Variants in LPP observed in about 807,000 individuals in gnomAD.
The protein encoded by LPP is lipoma-preferred partner.
Under a neutral mutation model 60.4 loss-of-function variants are expected in LPP, and 38 were observed. The ratio of observed to expected loss-of-function variants is 0.63; its 90% CI spans 0.49 to 0.83. The LOEUF (loss-of-function observed/expected upper bound fraction) is 0.83. LPP is among the 40% of genes least tolerant of loss of function. The pLI is 0.00. For missense variants in LPP, 902 were observed against 783.6 expected (o/e 1.15, Z -1.80); for synonymous variants, 328 against 290.8 (o/e 1.13, Z -1.30).
At chr3:188,855,795 C>T (rs933776143) in intron 9 of LPP, among the ~76,000 whole-genome samples, 2 of 152,110 alleles carry the variant, frequency 1.3e-5, no homozygotes, top group South Asian at 2.1e-4. Flanking sequence ...TTATAGCTGA[C>T]GGAATTTAGG....
In LPP at chr3:188,877,060, TAG is replaced by T. The variant is rs1428705188; in HGVS notation, c.*2584_*2585del. ...ATACATATGTAGAAACATTTAGATT[TAG>T]AGTTTTTTTTTTCTTTCACAAGGTA... On this transcript the variant is annotated 3_prime_UTR_variant, in exon 12 of 12. Transcript: ENST00000617246. 1 of 135,088 alleles carries T rather than the reference TAG, an allele frequency of 7.4e-6. No homozygotes were observed. Among genetic ancestry groups the T allele is most frequent in the Non-Finnish European group, 1.7e-5 (1 of 59,822 alleles). The allele number at this position is 135,088 out of a possible 1,614,324, so 8.4% of individuals were successfully genotyped here. A position where few individuals can be genotyped will look rare whatever the true frequency, so the allele number is the denominator to read the frequency against.
intron 8 of LPP, chr3:188,746,691 T>C (rs2150252871): frequency 2.8e-6 from 1 of 354,926 alleles, no homozygotes. Context: ...CCTATAAGCC[T>C]TAGTAAGGGA....
chr3:188,513,354 G>A (rs571714686), intron 5 of LPP, among the ~76,000 whole-genome samples: 9 of 152,254 alleles, frequency 5.9e-5, no homozygotes, highest in African/African-American at 2.2e-4. Flanking sequence ...AATTGCTTCA[G>A]GAAATATTAC....
chr3:188,609,495 C>G lies in LPP; in HGVS notation c.764C>G (p.Pro255Arg). 1 of 1,614,200 alleles carries G rather than the reference C, an allele frequency of 6.2e-7. No homozygotes were observed. Among genetic ancestry groups the G allele is most frequent in the South Asian group, 1.1e-5 (1 of 91,084 alleles). ...GSGPQGYNTQ[P>R]VPVSGQCPPP... ...GGGCCCCAGGGCTATAACACTCAGC[C>G]AGTTCCTGTCTCTGGGCAGTGTCCA... Residue 255 changes from proline to arginine, a missense_variant, in exon 7 of 12, where the codon CCA (proline) becomes CGA (arginine). Physicochemically the swap from Pro to Arg is moderately radical, Grantham distance 103. Coordinates refer to ENST00000617246, the MANE Select transcript of LPP (RefSeq NM_001375462.1). The surrounding 1 kb of genome is among the most constrained non-coding windows in gnomAD (Gnocchi z 6.9).
chr3:188,733,016 C>T (rs1027121647), intron 8 of LPP, among the ~76,000 whole-genome samples: 5 of 151,834 alleles, frequency 3.3e-5, no homozygotes, highest in Non-Finnish European at 5.9e-5. Context: ...GCATCAAAGT[C>T]GAAGAATCCC....
At chr3:188,378,055 A>G (rs2140092) in intron 3 of LPP, among the ~76,000 whole-genome samples, 131,572 of 152,106 alleles carry the variant, frequency 0.87, 58,483 homozygotes, top group Non-Finnish European at 0.96. Context: ...CTGCCCGATC[A>G]TTCCTCTGGA....
chr3:188,249,319 C>G (rs1285503692), intron 2 of LPP, among the ~76,000 whole-genome samples: 1 of 151,958 alleles, frequency 6.6e-6, no homozygotes, highest in Admixed American at 6.6e-5. Flanking sequence ...ATCGATTGGG[C>G]CTGGGACATC....
At chr3:188,237,926 C>A (rs73059605) in intron 2 of LPP, among the ~76,000 whole-genome samples, 2,582 of 152,324 alleles carry the variant, frequency 0.017, 68 homozygotes, top group African/African-American at 0.056. Context: ...GTATTGATTT[C>A]TTTTCTCTAC....
chr3:188,487,628 G>C (rs995027002), intron 5 of LPP, among the ~76,000 whole-genome samples: 1 of 152,144 alleles, frequency 6.6e-6, no homozygotes, highest in African/African-American at 2.4e-5. Context: ...AAAAGAAAAC[G>C]AACATGCCCT....
chr3:188,377,898 G>T (rs193051145), intron 3 of LPP, among the ~76,000 whole-genome samples: 5,590 of 152,020 alleles, frequency 0.037, 109 homozygotes, highest in African/African-American at 0.058. Context: ...TGGATGTCCT[G>T]TCTGTTTGTT....
rs182732599 is a variant in LPP at position 188,648,516 on chromosome 3, G to A, written c.1113+38672G>A. Among the ~76,000 whole-genome samples the A allele has an allele frequency of 6.8e-4, 103 of 152,258 alleles. 1 individual carries two copies. The East Asian group carries it at 7.5e-3, about 11-fold the overall frequency. ...TGTTCATGTGTACTGCTGCACTCACGTCGTATCCAGACACCCAGATATCAT... is the reference window on the plus strand; with the variant it reads ...TGTTCATGTGTACTGCTGCACTCACATCGTATCCAGACACCCAGATATCAT... On this transcript the variant is annotated intron_variant, in intron 7 of 11. Transcript: ENST00000617246.
At chr3:188,691,382 T>C (rs908632982) in intron 7 of LPP, among the ~76,000 whole-genome samples, 1 of 152,188 alleles carries the variant, frequency 6.6e-6, no homozygotes, top group Non-Finnish European at 1.5e-5. Context: ...TAGCACTGAA[T>C]GAGGGCAATA....
rs149496514 is a variant in LPP, at chr3:188,750,802, T to C, written c.1241-9311T>C. Among the ~76,000 whole-genome samples, 16 of 152,314 alleles carry C rather than the reference T, an allele frequency of 1.1e-4. 1 individual carries two copies. In the East Asian group the frequency reaches 3.1e-3, roughly 29 times the overall value. ...TCCATCTGCAAACTGTGGCTCCCAT[T>C]TATGTCTTGGTGTCAATATGACTAT... On this transcript the variant is annotated intron_variant, in intron 8 of 11. Transcript: ENST00000617246.
intron 2 of LPP, among the ~76,000 whole-genome samples, chr3:188,331,118 G>A (rs1759943782): frequency 1.3e-5 from 2 of 152,076 alleles, no homozygotes; most frequent in Admixed American, 1.3e-4. Flanking sequence ...CCTTGTCTCA[G>A]CTTCTTGAGG....
chr3:188,496,361 T>G (rs1447369206), intron 5 of LPP, among the ~76,000 whole-genome samples: 1 of 152,162 alleles, frequency 6.6e-6, no homozygotes, highest in African/African-American at 2.4e-5. Context: ...ACACCTGACC[T>G]CGTGATCTGC....
intron 6 of LPP, among the ~76,000 whole-genome samples, chr3:188,564,036 G>T (rs1483638221): frequency 6.6e-6 from 1 of 151,756 alleles, no homozygotes; most frequent in Non-Finnish European, 1.5e-5. Flanking sequence ...ATAGAATAAG[G>T]TACTTAACGC....
At chr3:188,607,372 T>G (rs1473648073) in intron 6 of LPP, among the ~76,000 whole-genome samples, 19 of 4,774 alleles carry the variant, frequency 4.0e-3, no homozygotes, top group East Asian at 0.048. Context: ...AAATAGAAGA[T>G]ATATATATAT....
rs1405099398 is a variant in LPP at position 188,609,632 on chromosome 3, T to C, written c.901T>C (p.Tyr301His). The part of the protein sequence containing the change: ...PNQGRYYEGY[Y>H]AAGPGYGGRN... ...CCAGGGACGCTATTATGAAGGCTAC[T>C]ATGCAGCAGGGCCAGGCTATGGGGG... Residue 301 changes from tyrosine (Y) to histidine (H), a missense_variant, in exon 7 of 12, where the codon TAT becomes CAT. Transcript: ENST00000617246. This position sits in a 1 kb window ranked among gnomAD's most constrained non-coding sequence, Gnocchi z 6.9. The C allele has an allele frequency of 2.5e-6, 4 of 1,614,132 alleles. No homozygotes were observed. The African/African-American group carries it at 5.3e-5, about 22-fold the overall frequency.
chr3:188,335,678 G>T (rs540529711), intron 2 of LPP, among the ~76,000 whole-genome samples: 1 of 152,088 alleles, frequency 6.6e-6, no homozygotes, highest in South Asian at 2.1e-4. Context: ...TCTCACTGAG[G>T]TTCCTTAAGA....
Sources: gnomAD v4.1 joint callset for allele counts (sites outside exome capture counted in the v4.1 genomes callset) on GRCh38, gnomAD v4.1.1 for gene constraint, Gnocchi (gnomAD v3.1) non-coding constraint, MANE v1.5 for transcripts, NCBI Gene and HGNC (gene_info 2026-07-23, HGNC 2026-07-21) for gene names.